Variants in SHCBP1L observed in about 807,000 individuals in gnomAD.
The protein encoded by SHCBP1L is SHC binding and spindle associated 1 like.
In SHCBP1L, 67 loss-of-function variants were observed where a neutral mutation model predicts 62.5. That is an observed-to-expected ratio of 1.07 (90% CI 0.88 to 1.31). The LOEUF is 1.31. SHCBP1L is among the 40% of genes most tolerant of loss of function. SHCBP1L has a pLI of 0.00. For missense variants in SHCBP1L, 823 were observed against 809.8 expected (o/e 1.02, Z -0.20); for synonymous variants, 284 against 289.4 (o/e 0.98, Z 0.19).
chr1:182,942,683 C>T (rs1651412223), intron 2 of SHCBP1L, among the ~76,000 whole-genome samples: 1 of 152,192 alleles, frequency 6.6e-6, no homozygotes, highest in East Asian at 1.9e-4. Context: ...ATAAATTACA[C>T]ATTAATACAA....
chr1:182,952,235 TACAC>T (rs68031715), intron 1 of SHCBP1L, among the ~76,000 whole-genome samples: 27 of 42,846 alleles, frequency 6.3e-4, no homozygotes, highest in South Asian at 2.3e-3. Flanking sequence ...TATATATATA[TACAC>T]ACACACACAC....
chr1:182,943,695 G>A (rs1404827182), intron 2 of SHCBP1L, among the ~76,000 whole-genome samples: 7 of 150,680 alleles, frequency 4.6e-5, no homozygotes, highest in Non-Finnish European at 8.9e-5. Context: ...TGATCCACCC[G>A]CCTCAGCCTC....
At chr1:182,906,956 T>TAGAG (rs1028785627) in intron 6 of SHCBP1L, among the ~76,000 whole-genome samples, 4 of 152,006 alleles carry the variant, frequency 2.6e-5, no homozygotes, top group African/African-American at 9.7e-5. Context: ...TAGCTGGGAC[T>TAGAG]AGAGGCACAC....
intron 5 of SHCBP1L, among the ~76,000 whole-genome samples, chr1:182,930,547 GTGTGTATATATATATATATATATATA>G (rs1421415531): frequency 5.4e-5 from 5 of 92,832 alleles, no homozygotes; most frequent in South Asian, 8.6e-4. Context: ...GCTTTAGTGT[GTGTGTATATATATATATATATATATA>G]TATATATATA....
intron 5 of SHCBP1L, among the ~76,000 whole-genome samples, chr1:182,930,553 A>G (rs200236198): frequency 0.053 from 443 of 8,434 alleles, 2 homozygotes; most frequent in East Asian, 0.28. Context: ...GTGTGTGTGT[A>G]TATATATATA....
chr1:182,905,366 G>T lies in SHCBP1L; in HGVS notation c.1336+130C>A. The T allele has an allele frequency of 4.2e-6, 4 of 944,706 alleles. No individual in the cohort carries two copies. The South Asian group carries it at 5.6e-5, about 13-fold the overall frequency. The allele number at this position is 944,706 out of a possible 1,614,324, so 58.5% of individuals were successfully genotyped here. Reference sequence around the variant, plus strand: ...GACGAACATGTCTTAATTATAAAATGAACATAAAGGATTTTTGTAAAACAT... The same window carrying T: ...GACGAACATGTCTTAATTATAAAATTAACATAAAGGATTTTTGTAAAACAT... On this transcript the variant is annotated intron_variant, in intron 7 of 9. Coordinates refer to ENST00000367547, the MANE Select transcript of SHCBP1L (RefSeq NM_030933.4).
At chr1:182,904,103 C>T in intron 8 of SHCBP1L, 77 bp downstream of exon 8, 2 of 1,511,658 alleles carry the variant, frequency 1.3e-6, no homozygotes, top group Non-Finnish European at 1.8e-6. Context: ...AATTGCTACC[C>T]TTTATTTGTA....
chr1:182,905,331 T>C (rs1399463980), intron 7 of SHCBP1L, among the ~76,000 whole-genome samples, 165 bp downstream of exon 7: 1 of 152,184 alleles, frequency 6.6e-6, no homozygotes, highest in African/African-American at 2.4e-5. Context: ...AATGGAGCTA[T>C]AGAAAATATG....
intron 6 of SHCBP1L, among the ~76,000 whole-genome samples, chr1:182,918,033 A>T (rs944647806): frequency 6.6e-6 from 1 of 151,058 alleles, no homozygotes; most frequent in African/African-American, 2.4e-5. Context: ...CTGTTTGCAG[A>T]TGACATGACC....
intron 5 of SHCBP1L, among the ~76,000 whole-genome samples, chr1:182,930,642 C>T (rs1267504595): frequency 2.2e-5 from 2 of 92,456 alleles, no homozygotes; most frequent in Non-Finnish European, 4.1e-5. Context: ...CAGGGTCTTG[C>T]CCTGGAGTAT....
At chr1:182,914,625 A>G (rs1650295194) in intron 6 of SHCBP1L, among the ~76,000 whole-genome samples, 1 of 152,184 alleles carries the variant, frequency 6.6e-6, no homozygotes, top group African/African-American at 2.4e-5. Flanking sequence ...TAAAAAATAC[A>G]TACAAAAGGA....
At chr1:182,930,580 T>C (rs1018045490) in intron 5 of SHCBP1L, among the ~76,000 whole-genome samples, 1 of 121,598 alleles carries the variant, frequency 8.2e-6, no homozygotes, top group Non-Finnish European at 1.7e-5. Context: ...TATATATATA[T>C]ATATATATAT....
chr1:182,946,701 C>T (rs974579259), intron 2 of SHCBP1L, among the ~76,000 whole-genome samples: 1 of 152,160 alleles, frequency 6.6e-6, no homozygotes, highest in Non-Finnish European at 1.5e-5. Flanking sequence ...TTTCTTCTCT[C>T]CTTCTGGAAC....
At chr1:182,936,731 G>A (rs1469609133) in intron 5 of SHCBP1L, among the ~76,000 whole-genome samples, 1 of 151,826 alleles carries the variant, frequency 6.6e-6, no homozygotes, top group Admixed American at 6.6e-5. Context: ...ATGTTAAATA[G>A]CTATCTTTTA....
intron 5 of SHCBP1L, among the ~76,000 whole-genome samples, chr1:182,938,362 C>T (rs931569296): frequency 2.6e-5 from 4 of 152,146 alleles, no homozygotes; most frequent in Non-Finnish European, 5.9e-5. Flanking sequence ...CCTCGGCCTC[C>T]CAAAGTGCTG....
chr1:182,952,233 TATACACACACACAC>T (rs1469534361), intron 1 of SHCBP1L, among the ~76,000 whole-genome samples: 1 of 55,780 alleles, frequency 1.8e-5, no homozygotes, highest in African/African-American at 9.7e-5. Flanking sequence ...TATATATATA[TATACACACACACAC>T]ACACACACAC....
rs201839985 is a variant in SHCBP1L at position 182,949,289 on chromosome 1, A to AG, written c.555+2028_555+2029insC. 6.8e-3 allele frequency among the ~76,000 whole-genome samples: 1,029 copies of AG among 152,154 alleles called. 14 individuals carry two copies. Among genetic ancestry groups the AG allele is most frequent in the African/African-American group, 0.023 (956 of 41,460 alleles). On this transcript the variant is annotated intron_variant, in intron 2 of 9. Transcript: ENST00000367547. ...CCCACAAACTTATACTAAAAAAAAA[A>AG]AAGTCATAAAGCCAGATGAAAACCA...
At chr1:182,921,287 T>A (rs1650521185) in intron 6 of SHCBP1L, among the ~76,000 whole-genome samples, 1 of 152,036 alleles carries the variant, frequency 6.6e-6, no homozygotes, top group South Asian at 2.1e-4. Context: ...GCTTCATAAG[T>A]GAAGGTAAGA....
chr1:182,926,744 C>G (rs532835491), intron 6 of SHCBP1L, among the ~76,000 whole-genome samples: 6 of 152,044 alleles, frequency 3.9e-5, no homozygotes, highest in Non-Finnish European at 8.8e-5. Flanking sequence ...GGGAATACCA[C>G]TGTTTCTCCT....
Sources: gnomAD v4.1 joint callset for allele counts (sites outside exome capture counted in the v4.1 genomes callset) on GRCh38, gnomAD v4.1.1 for gene constraint, MANE v1.5 for transcripts, NCBI Gene and HGNC (gene_info 2026-07-23, HGNC 2026-07-21) for gene names.